Variants in EPS8 observed in about 807,000 individuals in gnomAD.
EPS8 encodes EGFR pathway substrate 8, signaling adaptor.
EPS8 carries 42 observed loss-of-function variants against 103.8 expected under a neutral mutation model. The ratio of observed to expected loss-of-function variants is 0.40; its 90% CI spans 0.32 to 0.52. EPS8 has a LOEUF of 0.52. Among genes scored for constraint, EPS8 ranks in the 20% least tolerant of loss-of-function variants. The pLI is 0.40. For missense variants in EPS8, 969 were observed against 1,005.1 expected (o/e 0.96, Z 0.49); for synonymous variants, 344 against 344.6 (o/e 1.00, Z 0.02).
Position 15,697,147 on chromosome 12 carries a change from T to A in EPS8, c.-21-14175A>T, listed in dbSNP as rs1283054685. Among the ~76,000 whole-genome samples, 1 of 151,862 alleles carries A rather than the reference T, an allele frequency of 6.6e-6. No individual in the cohort carries two copies. Among genetic ancestry groups the A allele is most frequent in the Non-Finnish European group, 1.5e-5 (1 of 67,962 alleles). On this transcript the variant is annotated intron_variant, in intron 1 of 20. Coordinates refer to ENST00000281172, the MANE Select transcript of EPS8 (RefSeq NM_004447.6). This position sits in a 1 kb window ranked among gnomAD's most constrained non-coding sequence, Gnocchi z 5.6. ...ACTTGAGGGACAAGCACAAACTGAT[T>A]TGGGAAAATGGCCTATAGACTGAAG...
rs925163885 is a variant in EPS8 at position 15,688,776 on chromosome 12, A to T, written c.-21-5804T>A. 1.3e-5 allele frequency among the ~76,000 whole-genome samples: 2 copies of T among 152,184 alleles called. No homozygotes were observed. Among genetic ancestry groups the T allele is most frequent in the African/African-American group, 2.4e-5 (1 of 41,440 alleles). ...TGTGATCCGATTCTTCCCATACGCC[A>T]AGGCAATAACCCCAGGATACAGAAA... On this transcript the variant is annotated intron_variant, in intron 1 of 20. Transcript: ENST00000281172. This position sits in a 1 kb window ranked among gnomAD's most constrained non-coding sequence, Gnocchi z 5.1.
intron 7 of EPS8, 25 bp downstream of exon 7, chr12:15,666,415 C>T: frequency 6.4e-7 from 1 of 1,559,844 alleles, no homozygotes; most frequent in Non-Finnish European, 8.8e-7. Flanking sequence ...CAATTCCACT[C>T]CTTGATTTCT....
At position 15,647,185 on chromosome 12, in the gene EPS8, G is replaced by T; in HGVS notation, c.1510C>A (p.Leu504Met). 6.2e-7 allele frequency: 1 copy of T among 1,614,058 alleles called. No homozygotes were observed. The highest frequency in any genetic ancestry group is 1.6e-4 in the Middle Eastern group (1 of 6,062). Reference protein sequence around the residue: ...SSNIYTRGSHLDQGEAAVAFK... With the variant: ...SSNIYTRGSHMDQGEAAVAFK... ...GCAACAGCAGCTTCCCCTTGGTCCA[G>T]GTGGGATCCTCTTGTGTAAATGTTG... Residue 504 changes from leucine (L) to methionine (M), a missense_variant, in exon 15 of 21, where the codon CTG becomes ATG. Coordinates refer to ENST00000281172, the MANE Select transcript of EPS8 (RefSeq NM_004447.6).
In EPS8 at chr12:15,650,951, C is replaced by G. The variant is rs1389388419; in HGVS notation, c.1306G>C (p.Gly436Arg). The change falls in exon 14 of 21, where the codon GGC (glycine) becomes CGC (arginine). Residue 436 changes from glycine to arginine, a missense_variant. Coordinates refer to ENST00000281172, the MANE Select transcript of EPS8 (RefSeq NM_004447.6). ...IPPYVPRFRN[G>R]WEPPMLNFMG... ...AAGTTCAGCATTGGGGGCTCCCAGC[C>G]ATTGCGGAATCGTGGAACATATGGT... 8 of 1,614,130 alleles carry G rather than the reference C, an allele frequency of 5.0e-6. No homozygotes were observed. In the South Asian group the frequency reaches 8.8e-5, roughly 18 times the overall value.
rs189288967 is a variant in EPS8 at position 15,751,167 on chromosome 12, G to A, written c.-22+37994C>T. ...GAGGTCAGGAGTTCGAGACCAGCCA[G>A]GCCAACATAGTGAAACTCTGTCTCT... On this transcript the variant is annotated intron_variant, in intron 1 of 20. Coordinates refer to ENST00000281172, the MANE Select transcript of EPS8 (RefSeq NM_004447.6). This position sits in a 1 kb window ranked among gnomAD's most constrained non-coding sequence, Gnocchi z 4.3. Among the ~76,000 whole-genome samples, 5 of 152,218 alleles carry A rather than the reference G, an allele frequency of 3.3e-5. No individual in the cohort carries two copies. The East Asian group carries it at 9.7e-4, about 29-fold the overall frequency.
In EPS8 at chr12:15,721,008, T is replaced by G. The variant is rs573911289; in HGVS notation, c.-21-38036A>C. 4.5e-4 allele frequency among the ~76,000 whole-genome samples: 68 copies of G among 152,344 alleles called. No homozygotes were observed. The highest frequency in any genetic ancestry group is 7.1e-4 in the Non-Finnish European group (48 of 68,034). ...CTACCACTTACTACAGTTGGTGATG[T>G]TGCATGTCATTTATTTTTGCCCTGT... is the stretch of plus-strand genomic sequence containing the variant. On this transcript the variant is annotated intron_variant, in intron 1 of 20. Coordinates refer to ENST00000281172, the MANE Select transcript of EPS8 (RefSeq NM_004447.6). This position sits in a 1 kb window ranked among gnomAD's most constrained non-coding sequence, Gnocchi z 4.4.
At position 15,658,567 on chromosome 12, in the gene EPS8, C is replaced by T. The variant is rs759654285; in HGVS notation, c.956G>A (p.Arg319Gln). 17 of 1,612,374 alleles carry T rather than the reference C, an allele frequency of 1.1e-5. No individual in the cohort carries two copies. Among genetic ancestry groups the T allele is most frequent in the East Asian group, 2.2e-5 (1 of 44,860 alleles). Reference sequence around the variant, plus strand: ...TTCATCAGGAGGTGGAGGTTTTGCCCGCAGCGTTAAAACACCCTCTAATGA... The same window carrying T: ...TTCATCAGGAGGTGGAGGTTTTGCCTGCAGCGTTAAAACACCCTCTAATGA... ...KGPGEGVLTL[R>Q]AKPPPPDEFL... The change falls in exon 11 of 21, where the codon CGG becomes CAG. Residue 319 changes from arginine (R) to glutamine (Q), a missense_variant. By Grantham distance (43) the Arg-to-Gln change is conservative (BLOSUM62 1). Coordinates refer to ENST00000281172, the MANE Select transcript of EPS8 (RefSeq NM_004447.6).
intron 1 of EPS8, among the ~76,000 whole-genome samples, chr12:15,723,182 A>G (rs1946616808): frequency 1.3e-5 from 2 of 152,032 alleles, no homozygotes; most frequent in Non-Finnish European, 2.9e-5. Flanking sequence ...ATGGTGACAC[A>G]CACCTGTAGC....
chr12:15,634,712 T>G (rs1311493569), intron 17 of EPS8: 1 of 398,758 alleles, frequency 2.5e-6, no homozygotes. Flanking sequence ...TAAAAAGAAG[T>G]GCCATGAGGG....
At chr12:15,758,169 C>T (rs1947006909) in intron 1 of EPS8, among the ~76,000 whole-genome samples, 2 of 152,180 alleles carry the variant, frequency 1.3e-5, no homozygotes, top group South Asian at 4.1e-4. Flanking sequence ...GTCACATGCC[C>T]TTGTCCACAT....
Position 15,715,287 on chromosome 12 carries a change from C to T in EPS8, c.-21-32315G>A, listed in dbSNP as rs142154457. 2.8e-3 allele frequency among the ~76,000 whole-genome samples: 422 copies of T among 152,238 alleles called. 3 individuals are homozygous for T. The highest frequency in any genetic ancestry group is 9.5e-3 in the African/African-American group (393 of 41,560). On this transcript the variant is annotated intron_variant, in intron 1 of 20. Transcript: ENST00000281172. ...CCACAGGGTCAGATTTTATTTGAGACTACATGGCAGCCCAACATCCCCCTT... is the reference window on the plus strand; with the variant it reads ...CCACAGGGTCAGATTTTATTTGAGATTACATGGCAGCCCAACATCCCCCTT...
At position 15,772,005 on chromosome 12, in the gene EPS8, T is replaced by C. The variant is rs1947160224; in HGVS notation, c.-22+17156A>G. ...AGGGCATAGTGGCGGGCGCCCGTAG[T>C]CTTCATTTGTACCACCCTAATGAGC... On this transcript the variant is annotated intron_variant, in intron 1 of 20. Transcript: ENST00000281172. This position sits in a 1 kb window ranked among gnomAD's most constrained non-coding sequence, Gnocchi z 5.0. 6.6e-6 allele frequency among the ~76,000 whole-genome samples: 1 copy of C among 151,920 alleles called. No individual in the cohort carries two copies. The highest frequency in any genetic ancestry group is 1.5e-5 in the Non-Finnish European group (1 of 67,982).
chr12:15,754,233 G>GAA (rs750888299), intron 1 of EPS8, among the ~76,000 whole-genome samples: 1 of 131,370 alleles, frequency 7.6e-6, no homozygotes. Context: ...GTTCCATTTG[G>GAA]AAAAAAAAAA....
Position 15,727,340 on chromosome 12 carries a change from T to C in EPS8, c.-21-44368A>G, listed in dbSNP as rs531425522. Among the ~76,000 whole-genome samples, 23 of 152,316 alleles carry C rather than the reference T, an allele frequency of 1.5e-4. No individual in the cohort carries two copies. Among genetic ancestry groups the C allele is most frequent in the Admixed American group, 1.3e-3 (20 of 15,298 alleles). On this transcript the variant is annotated intron_variant, in intron 1 of 20. Coordinates refer to ENST00000281172, the MANE Select transcript of EPS8 (RefSeq NM_004447.6). This position sits in a 1 kb window ranked among gnomAD's most constrained non-coding sequence, Gnocchi z 4.3. ...CAAGTAGATCTGACCATTTGGCATA[T>C]AGTATATATTTCTAAATCAACAACT...
rs1337863430 is a variant in EPS8 at position 15,684,889 on chromosome 12, G to C, written c.-21-1917C>G. ...AAAATTACATGTATATTACATTGCT[G>C]TGCTCCATTTTTGTTGTTTTCCTTC... is the stretch of plus-strand genomic sequence containing the variant. On this transcript the variant is annotated intron_variant, in intron 1 of 20. Coordinates refer to ENST00000281172, the MANE Select transcript of EPS8 (RefSeq NM_004447.6). This position sits in a 1 kb window ranked among gnomAD's most constrained non-coding sequence, Gnocchi z 4.9. Among the ~76,000 whole-genome samples, 1 of 152,174 alleles carries C rather than the reference G, an allele frequency of 6.6e-6. No individual in the cohort carries two copies. The highest frequency in any genetic ancestry group is 2.4e-5 in the African/African-American group (1 of 41,440).
intron 19 of EPS8, among the ~76,000 whole-genome samples, chr12:15,623,836 C>A (rs1944899974): frequency 3.3e-5 from 5 of 152,120 alleles, no homozygotes; most frequent in Admixed American, 3.3e-4. Context: ...GCCAGAGACA[C>A]TATATCCTGC....
intron 18 of EPS8, among the ~76,000 whole-genome samples, chr12:15,629,317 C>T (rs1254853585): frequency 6.6e-6 from 1 of 152,110 alleles, no homozygotes; most frequent in Non-Finnish European, 1.5e-5. Flanking sequence ...GACTGGAGGC[C>T]GATGAACTTT....
chr12:15,653,191 G>A (rs568733122), intron 13 of EPS8, among the ~76,000 whole-genome samples: 3 of 152,220 alleles, frequency 2.0e-5, no homozygotes, highest in Admixed American at 6.6e-5. Context: ...CCTCTCCTAC[G>A]ATATTAGCAT....
At position 15,772,144 on chromosome 12, in the gene EPS8, T is replaced by G. The variant is rs1029055632; in HGVS notation, c.-22+17017A>C. Among the ~76,000 whole-genome samples, 4 of 151,936 alleles carry G rather than the reference T, an allele frequency of 2.6e-5. No individual in the cohort carries two copies. The highest frequency in any genetic ancestry group is 5.9e-5 in the Non-Finnish European group (4 of 68,000). On this transcript the variant is annotated intron_variant, in intron 1 of 20. Coordinates refer to ENST00000281172, the MANE Select transcript of EPS8 (RefSeq NM_004447.6). This position sits in a 1 kb window ranked among gnomAD's most constrained non-coding sequence, Gnocchi z 5.0. ...TGCTGACTCAAAAAGATTTAATGACTGTTGACATATAGGTGGGGCAGAAAG... is the reference window on the plus strand; with the variant it reads ...TGCTGACTCAAAAAGATTTAATGACGGTTGACATATAGGTGGGGCAGAAAG...
Sources: gnomAD v4.1 joint callset for allele counts (sites outside exome capture counted in the v4.1 genomes callset) on GRCh38, gnomAD v4.1.1 for gene constraint, Gnocchi (gnomAD v3.1) non-coding constraint, MANE v1.5 for transcripts, NCBI Gene and HGNC (gene_info 2026-07-23, HGNC 2026-07-21) for gene names.